The following CASKIN2 variants were observed in gnomAD, a reference collection of about 807,000 sequenced individuals.
The protein encoded by CASKIN2 is CASK interacting protein 2.
A neutral mutation model predicts 107.1 loss-of-function variants in CASKIN2; 41 were observed. That is an observed-to-expected ratio of 0.38 (90% CI 0.30 to 0.50). The LOEUF is 0.50. CASKIN2 is among the 20% of genes least tolerant of loss of function. CASKIN2 has a pLI of 0.92. For missense variants in CASKIN2, 1,546 were observed against 1,657.4 expected (o/e 0.93, Z 1.17); for synonymous variants, 724 against 705.6 (o/e 1.03, Z -0.41).
chr17:75,500,734 G>A lies in CASKIN2; in HGVS notation c.*346C>T. Reference sequence around the variant, plus strand: ...GCACAACTTGGGACATGGGCTGGGGGGTACAGAGAAAGCACCCCCAAAGCC... The same window carrying A: ...GCACAACTTGGGACATGGGCTGGGGAGTACAGAGAAAGCACCCCCAAAGCC... On this transcript the variant is annotated 3_prime_UTR_variant, in exon 20 of 20. Transcript: ENST00000321617. The A allele has an allele frequency of 3.2e-6, 1 of 308,262 alleles. No individual in the cohort carries two copies. The highest frequency in any genetic ancestry group is 6.2e-6 in the Non-Finnish European group (1 of 160,026). The allele number at this position is 308,262 out of a possible 1,614,324, so 19.1% of individuals were successfully genotyped here.
chr17:75,505,098 G>A lies in CASKIN2; in HGVS notation c.931-25C>T. ...CCTGCGGCCAGGGGTGGGGGGCGGG[G>A]ACGGTCACTCCCAGCACCAGGCAAG... On this transcript the variant is annotated intron_variant, in intron 10 of 19. Coordinates refer to ENST00000321617, the MANE Select transcript of CASKIN2 (RefSeq NM_020753.5). This position sits in a 1 kb window ranked among gnomAD's most constrained non-coding sequence, Gnocchi z 5.1. The A allele has an allele frequency of 2.5e-6, 3 of 1,187,026 alleles. No individual in the cohort carries two copies. The highest frequency in any genetic ancestry group is 3.6e-6 in the Non-Finnish European group (3 of 831,558). 73.5% of individuals were successfully genotyped at this position (1,187,026 alleles called of 1,614,324 possible).
In CASKIN2 at chr17:75,506,455, G is replaced by A. The variant is rs200502868; in HGVS notation, c.618-42C>T. On this transcript the variant is annotated intron_variant, in intron 7 of 19. Coordinates refer to ENST00000321617, the MANE Select transcript of CASKIN2 (RefSeq NM_020753.5). This position sits in a 1 kb window ranked among gnomAD's most constrained non-coding sequence, Gnocchi z 4.8. ...GAGTCACGGGGGAGGTGGCGTAGGAGGGGGTGCTGACTGCTGGGGGCCTGG... is the reference window on the plus strand; with the variant it reads ...GAGTCACGGGGGAGGTGGCGTAGGAAGGGGTGCTGACTGCTGGGGGCCTGG... 7.8e-3 allele frequency: 12,423 copies of A among 1,588,384 alleles called. 68 individuals are homozygous for A. Among genetic ancestry groups the A allele is most frequent in the Non-Finnish European group, 8.9e-3 (10,355 of 1,165,982 alleles).
intron 1 of CASKIN2, 174 bp downstream of exon 1, chr17:75,515,227 C>A (rs1277551282): frequency 1.3e-5 from 2 of 152,564 alleles, no homozygotes; most frequent in Non-Finnish European, 2.9e-5. Context: ...AACAAAGCGG[C>A]GGGAGAAGCC....
In CASKIN2 at chr17:75,500,562, A is replaced by T. The variant is rs1415643745; in HGVS notation, c.*518T>A. On this transcript the variant is annotated 3_prime_UTR_variant, in exon 20 of 20. Coordinates refer to ENST00000321617, the MANE Select transcript of CASKIN2 (RefSeq NM_020753.5). ...CTGCTAGCCCTGCCTCAGTGAGGGA[A>T]GGCGGGGGCAGGAGCTGCCTGGGCA... 1 of 157,182 alleles carries T rather than the reference A, an allele frequency of 6.4e-6. No individual in the cohort carries two copies. The highest frequency in any genetic ancestry group is 1.4e-5 in the Non-Finnish European group (1 of 70,882). 9.7% of individuals were successfully genotyped at this position (157,182 alleles called of 1,614,324 possible). A position where few individuals can be genotyped will look rare whatever the true frequency, so the allele number is the denominator to read the frequency against.
At chr17:75,509,705 A>T (rs1598469202) in intron 2 of CASKIN2, 1 of 985,168 alleles carries the variant, frequency 1.0e-6, no homozygotes, top group Non-Finnish European at 1.2e-6. Flanking sequence ...TGGCTGTGTG[A>T]CCCTGGCCTG....
Position 75,501,626 on chromosome 17 carries a change from C to T in CASKIN2, c.3360G>A (p.Ala1120=), listed in dbSNP as rs372197613. ...TQLAFSGPKL[A]PRLGPRPVPP... ...GCACTGGGCGGGGGCCGAGCCGGGG[C>T]GCTAGCTTAGGGCCAGAAAATGCCA... Residue 1120 remains alanine (A), a synonymous_variant, in exon 19 of 20, where the codon GCG becomes GCA. Coordinates refer to ENST00000321617, the MANE Select transcript of CASKIN2 (RefSeq NM_020753.5). The T allele has an allele frequency of 2.9e-5, 46 of 1,599,242 alleles. No homozygotes were observed. Among genetic ancestry groups the T allele is most frequent in the East Asian group, 4.5e-5 (2 of 44,520 alleles).
rs2053215860 is a variant in CASKIN2 at position 75,502,765 on chromosome 17, GGCCCTGGGGCCGGGCTAGAGGGTGA to G, written c.2284_2308del (p.Ser762HisfsTer32). The G allele has an allele frequency of 6.2e-7, 1 of 1,601,018 alleles. No individual in the cohort carries two copies. The highest frequency in any genetic ancestry group is 1.3e-5 in the African/African-American group (1 of 74,616). ...GAAGGCCCAGGGTGCGCCAGGAGGTGGCCCTGGGGCCGGGCTAGAGGGTGAGCCCTGGGGGTACATAAAAACATAG... is the reference window on the plus strand; with the variant it reads ...GAAGGCCCAGGGTGCGCCAGGAGGTGGCCCTGGGGGTACATAAAAACATAG... On this transcript the variant is annotated frameshift_variant, in exon 18 of 20. Transcript: ENST00000321617. LOFTEE classifies it high-confidence loss of function. The surrounding 1 kb of genome is among the most constrained non-coding windows in gnomAD (Gnocchi z 4.3).
chr17:75,507,324 T>C (rs56027556), intron 4 of CASKIN2, among the ~76,000 whole-genome samples, 195 bp from the exon 5 acceptor site: 26,775 of 152,122 alleles, frequency 0.18, 3,735 homozygotes, highest in African/African-American at 0.39. Context: ...GTGCCCACTG[T>C]GGATCATGAT....
Position 75,503,714 on chromosome 17 carries a change from ATCT to A in CASKIN2, c.1622_1624del (p.Lys541del), listed in dbSNP as rs1478974955. 3.1e-6 allele frequency: 5 copies of A among 1,612,504 alleles called. No homozygotes were observed. The highest frequency in any genetic ancestry group is 4.2e-6 in the Non-Finnish European group (5 of 1,179,982). ...GCTGAGCTGAGCGATCTCTGAGGCG[ATCT>A]TCTTCCTGTGCCCAGGCTTGGTCAC... On this transcript the variant is annotated inframe_deletion, in exon 16 of 20. Transcript: ENST00000321617.
Position 75,505,013 on chromosome 17 carries a change from T to C in CASKIN2, c.991A>G (p.Thr331Ala). 2 of 1,596,058 alleles carry C rather than the reference T, an allele frequency of 1.3e-6. No homozygotes were observed. The highest frequency in any genetic ancestry group is 8.5e-7 in the Non-Finnish European group (1 of 1,170,494). Residue 331 changes from threonine (T) to alanine (A), a missense_variant, in exon 11 of 20, where the codon ACA (threonine) becomes GCA (alanine). Around this residue, in one of 6 missense-constraint regions of CASKIN2, gnomAD observed 1,311 missense variants for 1,311.0 expected, o/e 1.00. Coordinates refer to ENST00000321617, the MANE Select transcript of CASKIN2 (RefSeq NM_020753.5). This position sits in a 1 kb window ranked among gnomAD's most constrained non-coding sequence, Gnocchi z 5.1. The part of the protein sequence containing the change: ...KGHIHESQRG[T>A]DRIGYFPPGI... ...GGGGGGAAGTAGCCTATGCGGTCTG[T>C]GCCCCTCTGGCTCTCGTGGATGTGG... is the stretch of plus-strand genomic sequence containing the variant.
intron 2 of CASKIN2, among the ~76,000 whole-genome samples, chr17:75,508,640 ATGT>A (rs140555697): frequency 0.014 from 2,142 of 152,292 alleles, 30 homozygotes; most frequent in Middle Eastern, 0.061. Flanking sequence ...GCAGCGAGTC[ATGT>A]TGTCCTACTG....
Position 75,506,127 on chromosome 17 carries a change from G to GGTCTGC in CASKIN2, c.726+172_726+177dup, listed in dbSNP as rs1224857732. Among the ~76,000 whole-genome samples, 1 of 152,162 alleles carries GGTCTGC rather than the reference G, an allele frequency of 6.6e-6. No individual in the cohort carries two copies. The highest frequency in any genetic ancestry group is 2.4e-5 in the African/African-American group (1 of 41,420). On this transcript the variant is annotated intron_variant, in intron 8 of 19. Transcript: ENST00000321617. This position sits in a 1 kb window ranked among gnomAD's most constrained non-coding sequence, Gnocchi z 4.8. Reference sequence around the variant, plus strand: ...GCAGATCTGGGGTGCCAATCAGGTTGGTCTGCCCCCGATCCATCTGCACCG... The same window carrying GGTCTGC: ...GCAGATCTGGGGTGCCAATCAGGTTGGTCTGCGTCTGCCCCCGATCCATCTGCACCG...
rs1457307765 is a variant in CASKIN2, at chr17:75,502,160, G to C, written c.2914C>G (p.Arg972Gly). The change falls in exon 18 of 20, where the codon CGA becomes GGA. Residue 972 changes from arginine (R) to glycine (G), a missense_variant. Transcript: ENST00000321617. This position sits in a 1 kb window ranked among gnomAD's most constrained non-coding sequence, Gnocchi z 4.3. Reference sequence around the variant, plus strand: ...AGGCCGGGGGGCACGGGTGTCTCTCGGGGCGGGGGGCCAGCGGGCTTCGGG... The same window carrying C: ...AGGCCGGGGGGCACGGGTGTCTCTCCGGGCGGGGGGCCAGCGGGCTTCGGG... ...QRPKPAGPPP[R>G]ETPVPPGLDF... 2 of 1,601,092 alleles carry C rather than the reference G, an allele frequency of 1.2e-6. No individual in the cohort carries two copies. The highest frequency in any genetic ancestry group is 8.5e-7 in the Non-Finnish European group (1 of 1,179,590).
Position 75,501,919 on chromosome 17 carries a change from G to C in CASKIN2, c.3155C>G (p.Pro1052Arg). ...CTGCATGGCGGGGCTGGGAGCAAGG[G>C]GGGTTGGAACTCCTTGGGCTGGAAG... ...SSLPAQGVPT[P>R]LAPSPAMQPP... The change falls in exon 18 of 20, where the codon CCC becomes CGC. Residue 1052 changes from proline to arginine, a missense_variant. This residue lies in a region of CASKIN2 where 1,311 missense variants were observed against 1,311.0 expected (regional missense o/e 1.00). Coordinates refer to ENST00000321617, the MANE Select transcript of CASKIN2 (RefSeq NM_020753.5). 3 of 1,584,298 alleles carry C rather than the reference G, an allele frequency of 1.9e-6. No individual in the cohort carries two copies. Among genetic ancestry groups the C allele is most frequent in the Non-Finnish European group, 2.6e-6 (3 of 1,164,088 alleles).
chr17:75,508,580 TG>T (rs1264191759), intron 2 of CASKIN2, among the ~76,000 whole-genome samples: 15 of 152,064 alleles, frequency 9.9e-5, no homozygotes, highest in Admixed American at 9.8e-4. Flanking sequence ...GTGCCCTCAG[TG>T]GACAGGCCCA....
Position 75,504,781 on chromosome 17 carries a change from G to A in CASKIN2, c.1192+31C>T, listed in dbSNP as rs758690529. On this transcript the variant is annotated intron_variant, in intron 11 of 19. Transcript: ENST00000321617. ...CTTGCCCAGGCCACACGCCCACACA[G>A]TGCCCAGCACTGCCCCCTGGGAGGA... The A allele has an allele frequency of 5.7e-6, 9 of 1,592,114 alleles. No individual in the cohort carries two copies. In the Admixed American group the frequency reaches 1.4e-4, roughly 24 times the overall value.
At chr17:75,513,670 C>T (rs770795214) in intron 2 of CASKIN2, 41 bp downstream of exon 2, 43 of 1,533,062 alleles carry the variant, frequency 2.8e-5, no homozygotes, top group South Asian at 5.6e-5. Context: ...GTGAACTGAG[C>T]GCTCGGCCTC....
Position 75,500,674 on chromosome 17 carries a change from G to A in CASKIN2, c.*406C>T, listed in dbSNP as rs2053165918. Reference sequence around the variant, plus strand: ...CGCCTCCTCCAGCCTCTCAGGGCCTGGGCAGGATGGTGGGTGGCAAGAGGC... The same window carrying A: ...CGCCTCCTCCAGCCTCTCAGGGCCTAGGCAGGATGGTGGGTGGCAAGAGGC... On this transcript the variant is annotated 3_prime_UTR_variant, in exon 20 of 20. Transcript: ENST00000321617. 2 of 249,110 alleles carry A rather than the reference G, an allele frequency of 8.0e-6. No homozygotes were observed. The highest frequency in any genetic ancestry group is 2.7e-4 in the East Asian group (2 of 7,314). 15.4% of individuals were successfully genotyped at this position (249,110 alleles called of 1,614,324 possible).
rs376373727 is a variant in CASKIN2, at chr17:75,501,617, G to A, written c.3369C>T (p.Leu1123=). ...AFSGPKLAPR[L]GPRPVPPPRP... ...GTGGAGGAGGCACTGGGCGGGGGCC[G>A]AGCCGGGGCGCTAGCTTAGGGCCAG... is the stretch of plus-strand genomic sequence containing the variant. Residue 1123 remains leucine, a synonymous_variant, in exon 19 of 20, where the codon CTC becomes CTT. Transcript: ENST00000321617. The A allele has an allele frequency of 2.4e-5, 39 of 1,600,688 alleles. No individual in the cohort carries two copies. The Middle Eastern group carries it at 5.0e-4, about 20-fold the overall frequency.
Sources: gnomAD v4.1 joint callset for allele counts (sites outside exome capture counted in the v4.1 genomes callset) on GRCh38, gnomAD v4.1.1 for gene constraint, gnomAD v4.1.1 regional missense constraint, Gnocchi (gnomAD v3.1) non-coding constraint, MANE v1.5 for transcripts, NCBI Gene and HGNC (gene_info 2026-07-23, HGNC 2026-07-21) for gene names.